SLCO5A1: variants seen among roughly 807,000 people sequenced by gnomAD.
SLCO5A1 encodes solute carrier organic anion transporter family member 5A1.
SLCO5A1 carries 39 observed loss-of-function variants against 65.1 expected under a neutral mutation model. The ratio of observed to expected loss-of-function variants is 0.60; its 90% CI spans 0.46 to 0.78. SLCO5A1 has a LOEUF of 0.78. Among genes scored for constraint, SLCO5A1 ranks in the 30% least tolerant of loss-of-function variants. The probability of loss-of-function intolerance (pLI) is 0.00; values close to 1 mark genes in which losing one functional copy is unlikely to be tolerated. For missense variants in SLCO5A1, 1,029 were observed against 1,069.4 expected (o/e 0.96, Z 0.53); for synonymous variants, 438 against 415.7 (o/e 1.05, Z -0.65).
intron 2 of SLCO5A1, among the ~76,000 whole-genome samples, chr8:69,814,797 A>T (rs1021815138): frequency 2.0e-5 from 3 of 152,002 alleles, no homozygotes; most frequent in African/African-American, 4.8e-5. Flanking sequence ...AAATGAATGG[A>T]TATAGAAAAC....
chr8:69,714,815 A>G (rs1815437157), intron 5 of SLCO5A1: 1 of 152,222 alleles, frequency 6.6e-6, no homozygotes, highest in South Asian at 2.1e-4. Flanking sequence ...ATTCACTCAT[A>G]ATAACACTTT....
chr8:69,746,770 C>A (rs1471025582), intron 4 of SLCO5A1, among the ~76,000 whole-genome samples: 1 of 152,296 alleles, frequency 6.6e-6, no homozygotes, highest in East Asian at 1.9e-4. Context: ...TTATAAATTT[C>A]TATATTTTAT....
At chr8:69,772,895 C>T in intron 2 of SLCO5A1, 2 of 983,980 alleles carry the variant, frequency 2.0e-6, no homozygotes, top group South Asian at 9.4e-5. Flanking sequence ...GCATTTTCTT[C>T]CAGGAAAGAC....
chr8:69,743,837 G>A (rs1816907861), intron 4 of SLCO5A1, among the ~76,000 whole-genome samples: 1 of 152,144 alleles, frequency 6.6e-6, no homozygotes. Flanking sequence ...AGCAAAGACT[G>A]GCCAAAAACC....
rs572828588 is a variant in SLCO5A1, at chr8:69,759,845, G to A, written c.1040+1898C>T. Among the ~76,000 whole-genome samples, 9 of 152,114 alleles carry A rather than the reference G, an allele frequency of 5.9e-5. No individual in the cohort carries two copies. The East Asian group carries it at 1.7e-3, about 29-fold the overall frequency. On this transcript the variant is annotated intron_variant, in intron 3 of 9. Coordinates refer to ENST00000260126, the MANE Select transcript of SLCO5A1 (RefSeq NM_030958.3). ...GTATTTTTAGTAGAGATGGAGGCTCGCCACGTTAGCCAGGGTTATCTCGAA... is the reference window on the plus strand; with the variant it reads ...GTATTTTTAGTAGAGATGGAGGCTCACCACGTTAGCCAGGGTTATCTCGAA...
chr8:69,815,685 C>CACACAAA (rs1554529391), intron 2 of SLCO5A1, among the ~76,000 whole-genome samples: 8 of 147,192 alleles, frequency 5.4e-5, no homozygotes, highest in African/African-American at 1.8e-4. Context: ...CACACACACA[C>CACACAAA]ACACAAAATT....
In SLCO5A1 at chr8:69,808,432, T is replaced by C. The variant is rs183929359; in HGVS notation, c.907+23335A>G. Among the ~76,000 whole-genome samples, 494 of 152,302 alleles carry C rather than the reference T, an allele frequency of 3.2e-3. 2 individuals carry two copies. Among genetic ancestry groups the C allele is most frequent in the Admixed American group, 0.01 (155 of 15,306 alleles). ...GAACATGTGCTAATTGGTTTTCTAA[T>C]CCTGTGTTAGTTTGCTAAGGATAAT... On this transcript the variant is annotated intron_variant, in intron 2 of 9. Transcript: ENST00000260126.
At chr8:69,758,439 C>T (rs937039641) in intron 3 of SLCO5A1, among the ~76,000 whole-genome samples, 4 of 152,120 alleles carry the variant, frequency 2.6e-5, no homozygotes, top group Admixed American at 6.5e-5. Context: ...CTCAGCTTCC[C>T]AAAGTGCTGG....
chr8:69,700,071 G>C (rs1639264547), intron 6 of SLCO5A1, among the ~76,000 whole-genome samples: 1 of 152,214 alleles, frequency 6.6e-6, no homozygotes, highest in Admixed American at 6.5e-5. Context: ...ACTCCAGCCT[G>C]AATGACAGAG....
chr8:69,712,233 T>C (rs754286349), intron 5 of SLCO5A1, among the ~76,000 whole-genome samples: 21 of 152,180 alleles, frequency 1.4e-4, no homozygotes, highest in Admixed American at 1.3e-4. Flanking sequence ...ATCTAGTCAT[T>C]TATCCAAGCA....
At chr8:69,762,186 CTTTCTTTCTTTCTT>C (rs1817823045) in intron 2 of SLCO5A1, among the ~76,000 whole-genome samples, 1 of 59,924 alleles carries the variant, frequency 1.7e-5, no homozygotes, top group Non-Finnish European at 3.3e-5. Context: ...TTCTTTCTTT[CTTTCTTTCTTTCTT>C]TTTTGAGACA....
At chr8:69,713,693 A>C (rs766773858) in intron 5 of SLCO5A1, 5 of 152,232 alleles carry the variant, frequency 3.3e-5, no homozygotes, top group Non-Finnish European at 5.9e-5. Flanking sequence ...TTTCTTTCAT[A>C]ATAACTCAAA....
At chr8:69,822,618 C>T (rs1461020544) in intron 2 of SLCO5A1, among the ~76,000 whole-genome samples, 1 of 152,160 alleles carries the variant, frequency 6.6e-6, no homozygotes, top group Admixed American at 6.5e-5. Context: ...CCCTCTCTGC[C>T]CACACCCTAG....
At position 69,672,572 on chromosome 8, in the gene SLCO5A1, G is replaced by C. The variant is rs1813369224; in HGVS notation, c.*297C>G. On this transcript the variant is annotated 3_prime_UTR_variant, in exon 10 of 10. Transcript: ENST00000260126. ...CCGCCATTCCCCTTCCCATGGTTTT[G>C]CTAACCGTGTACCTCAGCCTGTACC... is the stretch of plus-strand genomic sequence containing the variant. The C allele has an allele frequency of 1.2e-5, 4 of 329,620 alleles. No individual in the cohort carries two copies. The highest frequency in any genetic ancestry group is 8.3e-5 in the African/African-American group (4 of 48,448). The allele number at this position is 329,620 out of a possible 1,614,324, so 20.4% of individuals were successfully genotyped here.
rs61730155 is a variant in SLCO5A1, at chr8:69,832,621, G to C, written c.53C>G (p.Pro18Arg). ...QPGAGEQLEA[P>R]ATAEAVQERC... ...CTCTTGGACAGCTTCTGCAGTGGCC[G>C]GCGCCTCCAGCTGCTCTCCCGCCCC... The change falls in exon 2 of 10, where the codon CCG becomes CGG. Residue 18 changes from proline (P) to arginine (R), a missense_variant. Coordinates refer to ENST00000260126, the MANE Select transcript of SLCO5A1 (RefSeq NM_030958.3). This position sits in a 1 kb window ranked among gnomAD's most constrained non-coding sequence, Gnocchi z 4.5. 2.5e-6 allele frequency: 4 copies of C among 1,610,092 alleles called. No individual in the cohort carries two copies. The highest frequency in any genetic ancestry group is 1.7e-6 in the Non-Finnish European group (2 of 1,179,918).
chr8:69,676,644 G>A lies in SLCO5A1; in HGVS notation c.2054C>T (p.Ala685Val). ...RSVEDEERPFALGMQFVLLRT... is the reference protein window; with the variant it reads ...RSVEDEERPFVLGMQFVLLRT... The stretch of plus-strand genomic sequence containing the variant: ...CAACAAAACAAACTGCATTCCCAGT[G>A]CAAAAGGTCTCTCCTCATCTTCTAC... The change falls in exon 9 of 10, where the codon GCA (alanine) becomes GTA (valine). Residue 685 changes from alanine to valine, a missense_variant. Ala to Val is a moderately conservative substitution (Grantham distance 64). Coordinates refer to ENST00000260126, the MANE Select transcript of SLCO5A1 (RefSeq NM_030958.3). 3 of 1,612,340 alleles carry A rather than the reference G, an allele frequency of 1.9e-6. No homozygotes were observed. The highest frequency in any genetic ancestry group is 2.5e-6 in the Non-Finnish European group (3 of 1,179,192).
intron 2 of SLCO5A1, among the ~76,000 whole-genome samples, chr8:69,779,181 T>G (rs1188060932): frequency 2.0e-5 from 3 of 152,196 alleles, no homozygotes; most frequent in Non-Finnish European, 4.4e-5. Context: ...AAGCATTTAC[T>G]GTGTTCCAGG....
intron 2 of SLCO5A1, among the ~76,000 whole-genome samples, chr8:69,808,300 T>G (rs575551962): frequency 1.3e-5 from 2 of 152,228 alleles, no homozygotes; most frequent in African/African-American, 4.8e-5. Flanking sequence ...CATTGGTTGT[T>G]TTTCCTGATC....
At chr8:69,800,659 C>A (rs1819692395) in intron 2 of SLCO5A1, among the ~76,000 whole-genome samples, 1 of 152,190 alleles carries the variant, frequency 6.6e-6, no homozygotes, top group Non-Finnish European at 1.5e-5. Flanking sequence ...ACTGCAGTAA[C>A]AAGCAGTCTT....
Sources: allele counts gnomAD v4.1 joint callset (sites outside exome capture counted in the v4.1 genomes callset), GRCh38; gene constraint gnomAD v4.1.1; non-coding constraint Gnocchi (gnomAD v3.1); transcripts MANE v1.5; gene names NCBI Gene and HGNC (gene_info 2026-07-23, HGNC 2026-07-21).